ZNF84: variants seen among roughly 807,000 people sequenced by gnomAD.
ZNF84 encodes zinc finger protein HPF2.
A neutral mutation model predicts 14.8 loss-of-function variants in ZNF84; 12 were observed. The observed-to-expected ratio is 0.81, with a 90% CI of 0.52 to 1.31. The LOEUF (loss-of-function observed/expected upper bound fraction) is 1.31. Among genes scored for constraint, ZNF84 ranks in the 50% most tolerant of loss-of-function variants. ZNF84 has a pLI of 0.00. For missense variants in ZNF84, 859 were observed against 878.6 expected, an observed-to-expected ratio of 0.98 and a Z score of 0.28; for synonymous variants, 347 against 291.1, an observed-to-expected ratio of 1.19 and a Z score of -1.96.
In ZNF84 at chr12:133,058,452, T is replaced by C; in HGVS notation, c.1737T>C (p.Ala579=). The stretch of plus-strand genomic sequence containing the variant: ...ATGAATGCAGGGACTGTGAAAAAGC[T>C]TTCTCCCAGAAATCACAGCTAAATA... ...KPYECRDCEK[A]FSQKSQLNTH... Residue 579 remains alanine, a synonymous_variant, in exon 5 of 5, where the codon GCT becomes GCC. Transcript: ENST00000539354. The C allele has an allele frequency of 1.2e-6, 2 of 1,613,686 alleles. No homozygotes were observed. The highest frequency in any genetic ancestry group is 2.2e-5 in the East Asian group (1 of 44,808).
intron 2 of ZNF84, among the ~76,000 whole-genome samples, chr12:133,042,720 G>A (rs1036111799): frequency 2.6e-5 from 4 of 152,180 alleles, no homozygotes; most frequent in Admixed American, 1.3e-4. Context: ...TGTCCCAAGG[G>A]TAGAATGCCA....
At chr12:133,048,716 G>T in intron 3 of ZNF84, 37 bp from the exon 4 acceptor site, 1 of 1,570,200 alleles carries the variant, frequency 6.4e-7, no homozygotes, top group Non-Finnish European at 8.8e-7. Flanking sequence ...ACCCCAAGCA[G>T]TTGGGCCCAA....
chr12:133,048,919 C>A (rs987280980), intron 4 of ZNF84, 71 bp downstream of exon 4: 4 of 1,297,334 alleles, frequency 3.1e-6, no homozygotes, highest in Non-Finnish European at 4.4e-6. Context: ...GACGGGTGGG[C>A]TAGTCAGTGA....
intron 4 of ZNF84, among the ~76,000 whole-genome samples, chr12:133,054,254 C>T (rs1239251711): frequency 3.3e-5 from 5 of 152,062 alleles, no homozygotes; most frequent in African/African-American, 1.2e-4. Context: ...TATGTGGTTG[C>T]ACACCTGTGT....
rs1429051635 is a variant in ZNF84, at chr12:133,059,866, G to T, written c.*934G>T. ...TTTAACTTATAGACATACATAAGGG[G>T]TCTTTTGTTTTTATGGACCTTTCTA... On this transcript the variant is annotated 3_prime_UTR_variant, in exon 5 of 5. Transcript: ENST00000539354. 2.6e-5 allele frequency: 4 copies of T among 152,242 alleles called. No individual in the cohort carries two copies. Among genetic ancestry groups the T allele is most frequent in the African/African-American group, 9.6e-5 (4 of 41,546 alleles). 9.4% of individuals were successfully genotyped at this position (152,242 alleles called of 1,614,324 possible).
intron 4 of ZNF84, among the ~76,000 whole-genome samples, chr12:133,049,195 T>G (rs1954034331): frequency 6.6e-6 from 1 of 152,224 alleles, no homozygotes; most frequent in South Asian, 2.1e-4. Flanking sequence ...ATCTGGGACC[T>G]TGACTTCTTG....
At chr12:133,041,173 C>T (rs1217635405) in intron 1 of ZNF84, 105 bp from the exon 2 acceptor site, 6 of 414,612 alleles carry the variant, frequency 1.4e-5, no homozygotes, top group South Asian at 6.6e-5. Context: ...ATATAGCAAG[C>T]GTACCTCTGG....
chr12:133,044,944 T>TA (rs1309226290), intron 2 of ZNF84, among the ~76,000 whole-genome samples: 1 of 152,012 alleles, frequency 6.6e-6, no homozygotes, highest in African/African-American at 2.4e-5. Context: ...TATCTCGTCT[T>TA]AAGTTGTCAA....
intron 4 of ZNF84, among the ~76,000 whole-genome samples, chr12:133,056,141 A>G (rs1197141478): frequency 6.6e-6 from 1 of 152,154 alleles, no homozygotes; most frequent in Non-Finnish European, 1.5e-5. Flanking sequence ...ATTCTTTCAA[A>G]TATTTTCATT....
At chr12:133,041,918 G>C (rs1953895886) in intron 2 of ZNF84, among the ~76,000 whole-genome samples, 1 of 152,170 alleles carries the variant, frequency 6.6e-6, no homozygotes, top group Non-Finnish European at 1.5e-5. Flanking sequence ...CTTATCTGCA[G>C]TTTTGCTTTT....
chr12:133,047,683 T>C (rs1954005986), intron 2 of ZNF84: 1 of 279,186 alleles, frequency 3.6e-6, no homozygotes, highest in South Asian at 4.3e-5. Context: ...TAGTTTACTA[T>C]GGCACCTGTC....
In ZNF84 at chr12:133,057,682, G is replaced by T; in HGVS notation, c.967G>T (p.Glu323Ter). 3 of 1,613,516 alleles carry T rather than the reference G, an allele frequency of 1.9e-6. No individual in the cohort carries two copies. The highest frequency in any genetic ancestry group is 2.5e-6 in the Non-Finnish European group (3 of 1,179,884). Residue 323 changes from glutamate (E) to a stop codon, truncating the protein, a stop_gained, in exon 5 of 5, where the codon GAA (glutamate) becomes TAA (stop). Coordinates refer to ENST00000539354, the MANE Select transcript of ZNF84 (RefSeq NM_001289971.2). LOFTEE classifies it low-confidence loss of function (END_TRUNC). ...AGGAGAGAAACCCTATGGATGCAAT[G>T]AATGTGGGAGGGCCTTTAGTGAAAA... ...HTGEKPYGCN[E>*]CGRAFSEKSN...
intron 2 of ZNF84, among the ~76,000 whole-genome samples, chr12:133,046,518 G>A (rs1382845045): frequency 2.0e-5 from 3 of 151,848 alleles, no homozygotes; most frequent in Admixed American, 2.0e-4. Context: ...GTGAAGTGCT[G>A]CCTGCTTTTT....
chr12:133,039,424 T>C (rs994388612), intron 1 of ZNF84, among the ~76,000 whole-genome samples: 4 of 152,362 alleles, frequency 2.6e-5, no homozygotes, highest in Admixed American at 6.5e-5. Context: ...AATATGACTT[T>C]AGTATTCATG....
In ZNF84 at chr12:133,058,380, G is replaced by A; in HGVS notation, c.1665G>A (p.Lys555=). The change falls in exon 5 of 5, where the codon AAG becomes AAA. Residue 555 remains lysine (K), a synonymous_variant. Coordinates refer to ENST00000539354, the MANE Select transcript of ZNF84 (RefSeq NM_001289971.2). ...AATGTGGGAAGGCCTTTGGTGAGAA[G>A]TCAAGTCTTGCAACTCATCAGAGAA... ...CSECGKAFGE[K]SSLATHQRTH... 2.5e-6 allele frequency: 4 copies of A among 1,613,616 alleles called. No homozygotes were observed. The highest frequency in any genetic ancestry group is 2.7e-5 in the African/African-American group (2 of 74,846).
chr12:133,057,578 A>G lies in ZNF84; in HGVS notation c.863A>G (p.Glu288Gly), dbSNP rs1165650911. ...LTSHQRTHTG[E>G]KPYECGECGK... is the part of the protein sequence containing the mutation. ...TCCCATCAGCGGACACATACAGGAGAGAAACCTTATGAGTGTGGTGAATGT... is the reference window on the plus strand; with the variant it reads ...TCCCATCAGCGGACACATACAGGAGGGAAACCTTATGAGTGTGGTGAATGT... Residue 288 changes from glutamate to glycine, a missense_variant, in exon 5 of 5, where the codon GAG (glutamate) becomes GGG (glycine). By Grantham distance (98) the Glu-to-Gly change is moderately conservative. Coordinates refer to ENST00000539354, the MANE Select transcript of ZNF84 (RefSeq NM_001289971.2). The G allele has an allele frequency of 1.9e-6, 3 of 1,614,080 alleles. No homozygotes were observed. The African/African-American group carries it at 4.0e-5, about 22-fold the overall frequency.
chr12:133,052,162 G>A (rs1954080889), intron 4 of ZNF84, among the ~76,000 whole-genome samples: 2 of 152,068 alleles, frequency 1.3e-5, no homozygotes, highest in African/African-American at 2.4e-5. Context: ...TTAAACAACA[G>A]AAATTTATTT....
At position 133,043,921 on chromosome 12, in the gene ZNF84, C is replaced by T. The variant is rs755987330; in HGVS notation, c.15+2439C>T. Among the ~76,000 whole-genome samples, 241 of 140,140 alleles carry T rather than the reference C, an allele frequency of 1.7e-3. 2 individuals are homozygous for T. The highest frequency in any genetic ancestry group is 2.9e-3 in the Non-Finnish European group (194 of 65,988). 91.9% of individuals were successfully genotyped at this position (140,140 alleles called of 152,430 possible). A position where few individuals can be genotyped will look rare whatever the true frequency, so the allele number is the denominator to read the frequency against. ...GGTATGCCACCACACCCAGCTAATT[C>T]TTGTATTTTTTTTTTTTTTTCCAGT... On this transcript the variant is annotated intron_variant, in intron 2 of 4. Transcript: ENST00000539354.
intron 2 of ZNF84, chr12:133,047,710 C>G (rs1011332168): frequency 1.2e-5 from 4 of 341,076 alleles, no homozygotes; most frequent in African/African-American, 4.2e-5. Context: ...TGGCAGTACT[C>G]TGTTCCCAAA....
Sources: allele counts gnomAD v4.1 joint callset (sites outside exome capture counted in the v4.1 genomes callset), GRCh38; gene constraint gnomAD v4.1.1; transcripts MANE v1.5; gene names NCBI Gene and HGNC (gene_info 2026-07-23, HGNC 2026-07-21).